ARHGAP39: variants seen among roughly 807,000 people sequenced by gnomAD.
The protein encoded by ARHGAP39 is rho GTPase-activating protein 39.
ARHGAP39 carries 44 observed loss-of-function variants against 106.9 expected under a neutral mutation model. That is an observed-to-expected ratio of 0.41 (90% CI 0.32 to 0.53). ARHGAP39 has a LOEUF of 0.53. Ranked by LOEUF, ARHGAP39 falls within the 20% of genes least tolerant of loss-of-function variation. The pLI is 0.21. For synonymous variants in ARHGAP39, 768 were observed against 693.2 expected (o/e 1.11, Z -1.69); for missense variants, 1,496 against 1,577.3 (o/e 0.95, Z 0.87).
At chr8:144,698,995 C>T in the ARHGAP39 span, 1 of 412,786 alleles carries the variant, frequency 2.4e-6, no homozygotes, top group Middle Eastern at 3.6e-4. Context: ...TTTGGAGTGG[C>T]CCATCCATAG....
chr8:144,537,622 C>G (rs1817012114), intron 7 of ARHGAP39, 99 bp downstream of exon 7: 2 of 999,444 alleles, frequency 2.0e-6, no homozygotes, highest in Admixed American at 2.2e-5. Flanking sequence ...CCCATCCCCC[C>G]CGCCCAGAAG....
chr8:144,689,230 C>CTT (rs1297255600), upstream of ARHGAP39, among the ~76,000 whole-genome samples: 21 of 146,576 alleles, frequency 1.4e-4, no homozygotes, highest in African/African-American at 3.7e-4. Flanking sequence ...GCAAGTTTGA[C>CTT]TTTTTTTTTT....
At chr8:144,580,783 C>A (rs1818946672) in intron 3 of ARHGAP39, 63 bp downstream of exon 3, 2 of 1,282,580 alleles carry the variant, frequency 1.6e-6, no homozygotes, top group African/African-American at 3.3e-5. Flanking sequence ...CCCTACCTGC[C>A]TCACCTGGCC....
chr8:144,531,216 GA>G (rs1816703040), intron 10 of ARHGAP39, among the ~76,000 whole-genome samples: 4 of 134,838 alleles, frequency 3.0e-5, no homozygotes, highest in African/African-American at 1.2e-4. Flanking sequence ...GAGTGGGCTA[GA>G]CATAGCAGGC....
chr8:144,685,501 C>T (rs1822564577), intron 1 of ARHGAP39, among the ~76,000 whole-genome samples, 185 bp downstream of exon 1: 1 of 149,022 alleles, frequency 6.7e-6, no homozygotes, highest in Non-Finnish European at 1.5e-5. Context: ...CACACCCACG[C>T]CCCCTCCCTC....
At position 144,545,429 on chromosome 8, in the gene ARHGAP39, G is replaced by A. The variant is rs143204229; in HGVS notation, c.2341C>T (p.Arg781Trp). ...CACAGCTGGATGTAGAGCTCGTCCC[G>A]CAGGCCCTGCACGCTCCAGCCCTTG... ...ATKGWSVQGL[R>W]DELYIQLCRQ... Residue 781 changes from arginine to tryptophan, a missense_variant, in exon 6 of 12, where the codon CGG becomes TGG. By Grantham distance (101) the Arg-to-Trp change is moderately radical. Coordinates refer to ENST00000377307, the MANE Select transcript of ARHGAP39 (RefSeq NM_025251.3). 1.3e-6 allele frequency: 2 copies of A among 1,586,474 alleles called. No homozygotes were observed. Among genetic ancestry groups the A allele is most frequent in the African/African-American group, 2.7e-5 (2 of 74,396 alleles).
intron 2 of ARHGAP39, among the ~76,000 whole-genome samples, chr8:144,594,955 T>A (rs1025201352): frequency 6.6e-6 from 1 of 152,036 alleles, no homozygotes; most frequent in Non-Finnish European, 1.5e-5. Flanking sequence ...AGTGGGAGGA[T>A]CGCTTCAGCC....
In ARHGAP39 at chr8:144,678,116, C is replaced by T. The variant is rs145130753; in HGVS notation, c.-82+7570G>A. 4.8e-3 allele frequency among the ~76,000 whole-genome samples: 729 copies of T among 152,186 alleles called. 7 individuals are homozygous for T. Among genetic ancestry groups the T allele is most frequent in the African/African-American group, 0.016 (683 of 41,506 alleles). ...GCAATCTGCAGCAAGACATTCAGAA[C>T]ACAAACAGCCAAGTGCCATGGCTCA... On this transcript the variant is annotated intron_variant, in intron 1 of 11. Transcript: ENST00000377307.
In ARHGAP39 at chr8:144,546,155, G is replaced by A. The variant is rs564878466; in HGVS notation, c.1960-345C>T. Among the ~76,000 whole-genome samples, 117 of 152,312 alleles carry A rather than the reference G, an allele frequency of 7.7e-4. 1 individual carries two copies. Among genetic ancestry groups the A allele is most frequent in the African/African-American group, 2.6e-3 (107 of 41,564 alleles). ...TCATTCTGCCGCCCCCTGAGGAAGT[G>A]TCAGTGCCCTTGTTCAGGCACGGAA... On this transcript the variant is annotated intron_variant, in intron 5 of 11. Transcript: ENST00000377307.
rs539194870 is a variant in ARHGAP39, at chr8:144,605,426, T to C, written c.80+109A>G. 5.9e-5 allele frequency: 70 copies of C among 1,191,294 alleles called. 1 individual carries two copies. In the South Asian group the frequency reaches 8.7e-4, roughly 15 times the overall value. The allele number at this position is 1,191,294 out of a possible 1,614,324, so 73.8% of individuals were successfully genotyped here. On this transcript the variant is annotated intron_variant, in intron 2 of 11. Transcript: ENST00000377307. Reference sequence around the variant, plus strand: ...GGCCTTGGGAACAGCCAGCGACGAATCCATTCTCCACGGAGAATCCTGCAT... The same window carrying C: ...GGCCTTGGGAACAGCCAGCGACGAACCCATTCTCCACGGAGAATCCTGCAT...
intron 2 of ARHGAP39, 111 bp from the exon 3 acceptor site, chr8:144,581,388 A>G (rs1314248595): frequency 8.1e-7 from 1 of 1,239,608 alleles, no homozygotes; most frequent in Non-Finnish European, 1.1e-6. Context: ...AAATCCTGTC[A>G]TAGAGGAAAG....
intron 2 of ARHGAP39, among the ~76,000 whole-genome samples, chr8:144,588,939 A>C (rs1819285980): frequency 6.6e-6 from 1 of 152,236 alleles, no homozygotes; most frequent in Admixed American, 6.5e-5. Context: ...CGTGCAGGTC[A>C]CCAAATGCCA....
At chr8:144,619,639 CGT>C (rs1820735845) in intron 1 of ARHGAP39, among the ~76,000 whole-genome samples, 1 of 145,224 alleles carries the variant, frequency 6.9e-6, no homozygotes, top group Non-Finnish European at 1.5e-5. Context: ...TGTCCAAGAG[CGT>C]GTGTCCGTGC....
At position 144,620,697 on chromosome 8, in the gene ARHGAP39, A is replaced by T. The variant is rs567095160; in HGVS notation, c.-81-15002T>A. Among the ~76,000 whole-genome samples the T allele has an allele frequency of 2.6e-5, 4 of 152,322 alleles. No individual in the cohort carries two copies. In the South Asian group the frequency reaches 8.3e-4, roughly 32 times the overall value. ...AGAGTGATGGCTCCAAACCCAATTC[A>T]GGTCCAGACCGCCCTCTCTGACCCC... On this transcript the variant is annotated intron_variant, in intron 1 of 11. Transcript: ENST00000377307.
At chr8:144,568,929 G>A (rs1347857529) in intron 3 of ARHGAP39, among the ~76,000 whole-genome samples, 2 of 152,046 alleles carry the variant, frequency 1.3e-5, no homozygotes, top group African/African-American at 4.8e-5. Context: ...ATCAAACAGC[G>A]AGACGACAGA....
At chr8:144,555,716 T>C in intron 3 of ARHGAP39, 73 bp from the exon 4 acceptor site, 1 of 1,347,584 alleles carries the variant, frequency 7.4e-7, no homozygotes, top group Non-Finnish European at 1.1e-6. Context: ...CTCCCTGACT[T>C]AAGAATGTGG....
intron 10 of ARHGAP39, 72 bp downstream of exon 10, chr8:144,532,233 C>T (rs1026944420): frequency 8.0e-6 from 11 of 1,377,148 alleles, no homozygotes; most frequent in Admixed American, 1.8e-5. Context: ...ACCCCAGAGG[C>T]GGAGACAGGG....
intron 4 of ARHGAP39, among the ~76,000 whole-genome samples, chr8:144,549,312 G>A (rs1260918796): frequency 1.3e-5 from 2 of 152,244 alleles, no homozygotes; most frequent in Non-Finnish European, 2.9e-5. Context: ...GGAGAGACGA[G>A]GGGCCCCTCC....
At chr8:144,596,132 G>A (rs1422813017) in intron 2 of ARHGAP39, among the ~76,000 whole-genome samples, 1 of 152,200 alleles carries the variant, frequency 6.6e-6, no homozygotes, top group Non-Finnish European at 1.5e-5. Flanking sequence ...GGAACCCAAC[G>A]GGCCCTGGCA....
Sources: gnomAD v4.1 joint callset for allele counts (sites outside exome capture counted in the v4.1 genomes callset) on GRCh38, gnomAD v4.1.1 for gene constraint, MANE v1.5 for transcripts, NCBI Gene and HGNC (gene_info 2026-07-23, HGNC 2026-07-21) for gene names.